TBCK: variants seen among roughly 807,000 people sequenced by gnomAD.
TBCK encodes TBC domain-containing protein kinase-like protein.
In TBCK, 99 loss-of-function variants were observed where a neutral mutation model predicts 113.4. The observed-to-expected ratio is 0.87, with a 90% confidence interval of 0.74 to 1.03. TBCK has a LOEUF of 1.03. Among genes scored for constraint, TBCK ranks in the 50% least tolerant of loss-of-function variants. The pLI is 0.00. For synonymous variants in TBCK, 369 were observed against 370.8 expected, an observed-to-expected ratio of 1.00 and a Z score of 0.05; for missense variants, 1,045 against 1,061.3, an observed-to-expected ratio of 0.98 and a Z score of 0.21.
intron 2 of TBCK, among the ~76,000 whole-genome samples, chr4:106,301,050 G>A (rs1409320338): frequency 6.6e-6 from 1 of 152,076 alleles, no homozygotes; most frequent in Non-Finnish European, 1.5e-5. Flanking sequence ...AGTTCAGCTT[G>A]TCCTTCTTGA....
intron 22 of TBCK, among the ~76,000 whole-genome samples, chr4:106,173,505 C>T (rs1368346830): frequency 6.6e-6 from 1 of 152,058 alleles, no homozygotes; most frequent in African/African-American, 2.4e-5. Flanking sequence ...CATCTGTCAC[C>T]AGCAAAGTTT....
At chr4:106,286,506 T>C (rs1199389473) in intron 3 of TBCK, among the ~76,000 whole-genome samples, 2 of 152,130 alleles carry the variant, frequency 1.3e-5, no homozygotes, top group African/African-American at 4.8e-5. Flanking sequence ...CCTTATATAA[T>C]ACAATTCAAA....
rs144509326 is a variant in TBCK at position 106,276,211 on chromosome 4, A to T, written c.267-13999T>A. ...ATCAGAGGTAAGGCAACTGGATATC[A>T]GTATGGGAAAAAGTAACCTCAACAC... On this transcript the variant is annotated intron_variant, in intron 3 of 25. Transcript: ENST00000394708. Among the ~76,000 whole-genome samples the T allele has an allele frequency of 9.6e-4, 146 of 152,324 alleles. 1 individual carries two copies. The highest frequency in any genetic ancestry group is 3.3e-3 in the African/African-American group (138 of 41,584).
chr4:106,172,416 TAG>T (rs1184040937), intron 22 of TBCK, among the ~76,000 whole-genome samples: 1 of 152,058 alleles, frequency 6.6e-6, no homozygotes, highest in Admixed American at 6.6e-5. Context: ...ATGGCGAAAG[TAG>T]AAAGATCACA....
rs753183827 is a variant in TBCK at position 106,212,786 on chromosome 4, CAGCTCT to C, written c.1818_1823del (p.Glu607_Leu608del). 6.2e-7 allele frequency: 1 copy of C among 1,612,574 alleles called. No individual in the cohort carries two copies. Among genetic ancestry groups the C allele is most frequent in the South Asian group, 1.1e-5 (1 of 90,882 alleles). The stretch of plus-strand genomic sequence containing the variant: ...AACCAATCTCATTGAGATGATTACT[CAGCTCT>C]GGATCATGAAATGCAATCATCTGAG... On this transcript the variant is annotated inframe_deletion, in exon 20 of 26. Coordinates refer to ENST00000394708, the MANE Select transcript of TBCK (RefSeq NM_001163435.3).
intron 10 of TBCK, 91 bp from the exon 11 acceptor site, chr4:106,244,855 A>AG (rs1272455178): frequency 1.2e-6 from 1 of 801,532 alleles, no homozygotes; most frequent in East Asian, 3.0e-5. Flanking sequence ...TCTAAAAAAA[A>AG]TAAACTCTGA....
Position 106,137,241 on chromosome 4 carries a change from A to T in TBCK, c.2236-20863T>A, listed in dbSNP as rs1244373865. 2.8e-5 allele frequency among the ~76,000 whole-genome samples: 4 copies of T among 141,084 alleles called. 1 individual carries two copies. The highest frequency in any genetic ancestry group is 2.8e-4 in the Admixed American group (4 of 14,332). 92.6% of individuals were successfully genotyped at this position (141,084 alleles called of 152,430 possible). ...ACAATTTAAAGAAAAAAGAAAAAAA[A>T]TTGACAAATATCTCAATTTTGGCAG... On this transcript the variant is annotated intron_variant, in intron 23 of 25. Transcript: ENST00000394708.
intron 24 of TBCK, among the ~76,000 whole-genome samples, chr4:106,101,161 C>T (rs1316084638): frequency 6.6e-6 from 1 of 152,156 alleles, no homozygotes; most frequent in Non-Finnish European, 1.5e-5. Context: ...AAAGCAGGTC[C>T]TCAAACAGGA....
At chr4:106,110,058 C>T (rs1742663679) in intron 24 of TBCK, among the ~76,000 whole-genome samples, 1 of 152,174 alleles carries the variant, frequency 6.6e-6, no homozygotes, top group African/African-American at 2.4e-5. Context: ...TTTAATCATC[C>T]ACGTGCAGGA....
chr4:106,305,570 T>C (rs1410742987), intron 2 of TBCK, among the ~76,000 whole-genome samples: 1 of 152,140 alleles, frequency 6.6e-6, no homozygotes, highest in East Asian at 1.9e-4. Context: ...TCACCCAGGC[T>C]GGAGTGCAGT....
intron 25 of TBCK, among the ~76,000 whole-genome samples, chr4:106,078,887 C>A (rs1738536067): frequency 6.6e-6 from 1 of 152,016 alleles, no homozygotes; most frequent in African/African-American, 2.4e-5. Flanking sequence ...AAATCTTCAA[C>A]AAAATACATG....
At chr4:106,189,308 A>G (rs1321267201) in intron 22 of TBCK, among the ~76,000 whole-genome samples, 1 of 150,476 alleles carries the variant, frequency 6.6e-6, no homozygotes, top group African/African-American at 2.5e-5. Flanking sequence ...GTGCCACTGC[A>G]CTTCAGCCTG....
At chr4:106,159,468 G>A (rs1038060502) in intron 23 of TBCK, among the ~76,000 whole-genome samples, 2 of 151,960 alleles carry the variant, frequency 1.3e-5, no homozygotes, top group African/African-American at 2.4e-5. Context: ...ACAAAAATCA[G>A]TTGTATTTCT....
In TBCK at chr4:106,168,621, ATAAG is replaced by A. The variant is rs143567364; in HGVS notation, c.2235+2470_2235+2473del. Among the ~76,000 whole-genome samples, 915 of 152,046 alleles carry A rather than the reference ATAAG, an allele frequency of 6.0e-3. 7 individuals carry two copies. The highest frequency in any genetic ancestry group is 0.02 in the African/African-American group (848 of 41,534). On this transcript the variant is annotated intron_variant, in intron 23 of 25. Coordinates refer to ENST00000394708, the MANE Select transcript of TBCK (RefSeq NM_001163435.3). ...GGAACTGAGCAAAAAACTGGAGCTA[ATAAG>A]TAACTACAGCAAGGTAGCAGGACTC...
At chr4:106,049,033 A>C (rs1734513664) in intron 25 of TBCK, among the ~76,000 whole-genome samples, 1 of 152,170 alleles carries the variant, frequency 6.6e-6, no homozygotes, top group Non-Finnish European at 1.5e-5. Flanking sequence ...GTTTTCACAT[A>C]AGATTATGAG....
At chr4:106,288,198 A>T (rs1466836183) in intron 3 of TBCK, among the ~76,000 whole-genome samples, 1 of 152,040 alleles carries the variant, frequency 6.6e-6, no homozygotes, top group Non-Finnish European at 1.5e-5. Context: ...GTTCGCGACC[A>T]GCCTGGGCAA....
intron 2 of TBCK, among the ~76,000 whole-genome samples, chr4:106,296,761 T>C (rs1336194969): frequency 6.6e-6 from 1 of 151,880 alleles, no homozygotes; most frequent in Non-Finnish European, 1.5e-5. Flanking sequence ...TAGCAAATGA[T>C]GAAGCTAGAG....
intron 25 of TBCK, among the ~76,000 whole-genome samples, chr4:106,092,718 A>ACT (rs1740441148): frequency 6.6e-6 from 1 of 152,090 alleles, no homozygotes; most frequent in Non-Finnish European, 1.5e-5. Context: ...CCCACCTGGA[A>ACT]CTCTAACTGG....
chr4:106,186,079 G>C (rs1427330518), intron 22 of TBCK, among the ~76,000 whole-genome samples: 1 of 152,148 alleles, frequency 6.6e-6, no homozygotes, highest in Non-Finnish European at 1.5e-5. Context: ...TTTTATGACT[G>C]TGTAGTATTC....
Sources: allele counts gnomAD v4.1 joint callset (sites outside exome capture counted in the v4.1 genomes callset), GRCh38; gene constraint gnomAD v4.1.1; transcripts MANE v1.5; gene names NCBI Gene and HGNC (gene_info 2026-07-23, HGNC 2026-07-21).